SYNE1: variants seen among roughly 807,000 people sequenced by gnomAD.
SYNE1 encodes the protein nesprin-1.
Under a neutral mutation model 1,111.0 loss-of-function variants are expected in SYNE1, and 616 were observed. The observed-to-expected ratio is 0.55, with a 90% CI of 0.52 to 0.59. SYNE1 has a LOEUF of 0.59. SYNE1 is among the 20% of genes least tolerant of loss of function. SYNE1 has a pLI of 0.00. For synonymous variants in SYNE1, 3,855 were observed against 3,825.8 expected (o/e 1.01, Z -0.28); for missense variants, 10,006 against 10,417.0 (o/e 0.96, Z 1.72).
chr6:152,122,121 A>G lies in SYNE1; in HGVS notation c.*315T>C, dbSNP rs1332981272. 2 of 408,782 alleles carry G rather than the reference A, an allele frequency of 4.9e-6. No homozygotes were observed. Among genetic ancestry groups the G allele is most frequent in the Non-Finnish European group, 9.3e-6 (2 of 216,166 alleles). 25.3% of individuals were successfully genotyped at this position (408,782 alleles called of 1,614,324 possible). A position where few individuals can be genotyped will look rare whatever the true frequency, so the allele number is the denominator to read the frequency against. The stretch of plus-strand genomic sequence containing the variant: ...GGTCTACTGAAGTCCTTGGCTGTGC[A>G]CAGAATGGGCCAAGGGCCCAGAATT... On this transcript the variant is annotated 3_prime_UTR_variant, in exon 146 of 146. Coordinates refer to ENST00000367255, the MANE Select transcript of SYNE1 (RefSeq NM_182961.4).
In SYNE1 at chr6:152,501,489, C is replaced by T. The variant is rs560830317; in HGVS notation, c.888+1144G>A. On this transcript the variant is annotated intron_variant, in intron 10 of 145. Transcript: ENST00000367255. ...GTGGCTCATGCCTGTGATCCCAGCACTTTGGGAGGCAGAGGCAGGCAGATC... is the reference window on the plus strand; with the variant it reads ...GTGGCTCATGCCTGTGATCCCAGCATTTTGGGAGGCAGAGGCAGGCAGATC... Among the ~76,000 whole-genome samples the T allele has an allele frequency of 2.0e-5, 3 of 152,258 alleles. No homozygotes were observed. In the South Asian group the frequency reaches 6.2e-4, roughly 32 times the overall value.
At chr6:152,278,980 G>C (rs985660056) in intron 97 of SYNE1, among the ~76,000 whole-genome samples, 3 of 151,590 alleles carry the variant, frequency 2.0e-5, no homozygotes, top group Non-Finnish European at 4.4e-5. Flanking sequence ...TTGTTGCCTG[G>C]GCTGGTCTCA....
At chr6:152,246,070 C>T (rs974682302) in intron 105 of SYNE1, among the ~76,000 whole-genome samples, 6 of 152,064 alleles carry the variant, frequency 3.9e-5, no homozygotes, top group African/African-American at 1.4e-4. Context: ...CTGAACACAC[C>T]AATAAGACAG....
At chr6:152,545,163 G>T (rs1324798711) in intron 3 of SYNE1, among the ~76,000 whole-genome samples, 1 of 152,120 alleles carries the variant, frequency 6.6e-6, no homozygotes. Flanking sequence ...AGCATCTCAT[G>T]TATCAGTATG....
Position 152,367,335 on chromosome 6 carries a change from G to A in SYNE1, c.9855C>T (p.Phe3285=), listed in dbSNP as rs776394371. The change falls in exon 62 of 146, where the codon TTC becomes TTT. Residue 3285 remains phenylalanine (F), a synonymous_variant. Coordinates refer to ENST00000367255, the MANE Select transcript of SYNE1 (RefSeq NM_182961.4). The part of the protein sequence containing the change: ...LDRIVAEHNQ[F]SLGIKELQDW... ...CTTGTAATTCTTTAATCCCAAGAGA[G>A]AACTGATTGTGTTCTGCAACGATTC... 33 of 1,614,052 alleles carry A rather than the reference G, an allele frequency of 2.0e-5. No individual in the cohort carries two copies. The African/African-American group carries it at 3.5e-4, about 17-fold the overall frequency.
chr6:152,575,805 CA>C (rs1281888134), intron 3 of SYNE1, among the ~76,000 whole-genome samples: 1 of 152,166 alleles, frequency 6.6e-6, no homozygotes, highest in African/African-American at 2.4e-5. Context: ...AATGTATATG[CA>C]AAACACATAG....
At chr6:152,185,339 C>T (rs920277665) in intron 128 of SYNE1, 2 of 152,266 alleles carry the variant, frequency 1.3e-5, no homozygotes, top group Admixed American at 6.5e-5. Context: ...CTGCTTTGGT[C>T]AGAATAGGAA....
chr6:152,385,061 A>G (rs1434346094), intron 55 of SYNE1, among the ~76,000 whole-genome samples: 1 of 152,064 alleles, frequency 6.6e-6, no homozygotes, highest in Admixed American at 6.6e-5. Flanking sequence ...TGAGGATTTC[A>G]TTGCTCCTTC....
At chr6:152,433,422 T>G in intron 34 of SYNE1, 1 of 254,250 alleles carries the variant, frequency 3.9e-6, no homozygotes, top group South Asian at 5.2e-5. Flanking sequence ...GAACTAGACA[T>G]TGGGAATGGG....
chr6:152,419,709 G>A lies in SYNE1; in HGVS notation c.5281C>T (p.Gln1761Ter), dbSNP rs2098223044. The A allele has an allele frequency of 1.2e-6, 2 of 1,613,992 alleles. No homozygotes were observed. Among genetic ancestry groups the A allele is most frequent in the Non-Finnish European group, 1.7e-6 (2 of 1,179,946 alleles). The change falls in exon 40 of 146, where the codon CAG becomes TAG. Residue 1761 changes from glutamine (Q) to a stop codon, truncating the protein, a stop_gained. Coordinates refer to ENST00000367255, the MANE Select transcript of SYNE1 (RefSeq NM_182961.4). LOFTEE classifies it high-confidence loss of function. Reference protein sequence around the residue: ...QIINKRINFLQSVVAEHQQFD... With the variant: ...QIINKRINFL ...TGCTGGTGTTCAGCAACCACAGACT[G>A]AAGAAAATTAATCCTATGTAGACAA...
Position 152,135,300 on chromosome 6 carries a change from T to C in SYNE1, c.25660-68A>G, listed in dbSNP as rs1230956486. 5.9e-6 allele frequency: 9 copies of C among 1,534,692 alleles called. No individual in the cohort carries two copies. In the Admixed American group the frequency reaches 1.5e-4, roughly 25 times the overall value. Reference sequence around the variant, plus strand: ...ATTTCTCTCAAAACTTAAATGTCTTTCAACTGCCACCATTAGCAAACATAC... The same window carrying C: ...ATTTCTCTCAAAACTTAAATGTCTTCCAACTGCCACCATTAGCAAACATAC... On this transcript the variant is annotated intron_variant, in intron 141 of 145. Coordinates refer to ENST00000367255, the MANE Select transcript of SYNE1 (RefSeq NM_182961.4).
chr6:152,486,592 T>C (rs2154298480), intron 12 of SYNE1, among the ~76,000 whole-genome samples: 1 of 152,358 alleles, frequency 6.6e-6, no homozygotes, highest in African/African-American at 2.4e-5. Context: ...AATAAGTATA[T>C]TCACTCTGTT....
chr6:152,545,423 T>C (rs1047609374), intron 3 of SYNE1, among the ~76,000 whole-genome samples: 1 of 151,888 alleles, frequency 6.6e-6, no homozygotes, highest in Non-Finnish European at 1.5e-5. Context: ...CTATGAATAA[T>C]ATAAAAATTA....
chr6:152,406,697 A>G (rs1191162469), intron 45 of SYNE1, among the ~76,000 whole-genome samples: 1 of 151,832 alleles, frequency 6.6e-6, no homozygotes, highest in Non-Finnish European at 1.5e-5. Flanking sequence ...GTGAAATCCC[A>G]TCTCTACTAA....
intron 135 of SYNE1, 144 bp downstream of exon 135, chr6:152,151,409 T>C (rs2060398662): frequency 1.1e-6 from 1 of 949,438 alleles, no homozygotes. Flanking sequence ...ATTTTTTATA[T>C]ATTTTACATT....
intron 113 of SYNE1, 124 bp downstream of exon 113, chr6:152,231,992 C>G: frequency 1.4e-6 from 1 of 699,176 alleles, no homozygotes; most frequent in Non-Finnish European, 2.4e-6. Context: ...TATTGAATTC[C>G]TATCTGGTCA....
At chr6:152,519,275 C>G (rs1441580054) in intron 6 of SYNE1, among the ~76,000 whole-genome samples, 3 of 152,156 alleles carry the variant, frequency 2.0e-5, no homozygotes, top group Admixed American at 1.3e-4. Flanking sequence ...TGCCACTCAT[C>G]ACTAAAAGGA....
chr6:152,375,869 C>T (rs2097271414), intron 58 of SYNE1, among the ~76,000 whole-genome samples: 1 of 152,194 alleles, frequency 6.6e-6, no homozygotes, highest in Non-Finnish European at 1.5e-5. Flanking sequence ...GAACTGGTTC[C>T]TCTTCATATA....
intron 3 of SYNE1, among the ~76,000 whole-genome samples, chr6:152,557,362 A>G (rs1309913189): frequency 1.3e-5 from 2 of 152,140 alleles, no homozygotes; most frequent in Non-Finnish European, 2.9e-5. Flanking sequence ...TGAGTTTCAG[A>G]GGAAGCAGAG....
Sources: gnomAD v4.1 joint callset for allele counts (sites outside exome capture counted in the v4.1 genomes callset) on GRCh38, gnomAD v4.1.1 for gene constraint, MANE v1.5 for transcripts, NCBI Gene and HGNC (gene_info 2026-07-23, HGNC 2026-07-21) for gene names.